The following CNTN4 variants were observed in gnomAD, a reference collection of about 807,000 sequenced individuals.
The protein encoded by CNTN4 is contactin 4, also known as contactin-4.
In CNTN4, 77 loss-of-function variants were observed where a neutral mutation model predicts 122.5. That is an observed-to-expected ratio of 0.63 (90% CI 0.52 to 0.76). The LOEUF is 0.76. CNTN4 is among the 30% of genes least tolerant of loss of function. The pLI is 0.00. For synonymous variants in CNTN4, 512 were observed against 447.0 expected (o/e 1.15, Z -1.83); for missense variants, 1,256 against 1,259.1 (o/e 1.00, Z 0.04).
intron 4 of CNTN4, among the ~76,000 whole-genome samples, chr3:2,720,910 T>C (rs977797174): frequency 2.6e-5 from 4 of 152,140 alleles, no homozygotes; most frequent in African/African-American, 9.7e-5. Context: ...AGAGCTGAGA[T>C]TTTGAACCCA....
intron 13 of CNTN4, among the ~76,000 whole-genome samples, chr3:2,950,949 A>T (rs117905570): frequency 1.3e-5 from 2 of 152,246 alleles, no homozygotes; most frequent in Non-Finnish European, 2.9e-5. Flanking sequence ...TTGACACATA[A>T]TGGACATTAA....
At chr3:2,455,480 T>C (rs1160467491) in intron 3 of CNTN4, among the ~76,000 whole-genome samples, 1 of 151,750 alleles carries the variant, frequency 6.6e-6, no homozygotes. Flanking sequence ...GTCTTTTTTC[T>C]TTTTTTTAAG....
Position 2,925,793 on chromosome 3 carries a change from T to G in CNTN4, c.1358+14T>G. On this transcript the variant is annotated intron_variant, in intron 13 of 24. Coordinates refer to ENST00000418658, the MANE Select transcript of CNTN4 (RefSeq NM_175607.3). ...AGAAAATGAAAGGTACTGTCTTGAA[T>G]TATTTTCAATATTTGGTTAACCTGT... 2 of 1,602,484 alleles carry G rather than the reference T, an allele frequency of 1.2e-6. No individual in the cohort carries two copies. Among genetic ancestry groups the G allele is most frequent in the Non-Finnish European group, 1.7e-6 (2 of 1,169,936 alleles).
intron 2 of CNTN4, among the ~76,000 whole-genome samples, chr3:2,284,722 A>G (rs1378203547): frequency 1.3e-5 from 2 of 152,052 alleles, no homozygotes; most frequent in Admixed American, 1.3e-4. Context: ...GTTCCTTCTT[A>G]AAGGTAATAT....
chr3:2,837,620 G>C (rs2093257351), intron 7 of CNTN4, among the ~76,000 whole-genome samples: 1 of 152,166 alleles, frequency 6.6e-6, no homozygotes, highest in Non-Finnish European at 1.5e-5. Context: ...TAAGAAAATT[G>C]CTTGAGGGGG....
chr3:2,259,236 G>A (rs575834080), intron 2 of CNTN4, among the ~76,000 whole-genome samples: 1 of 152,196 alleles, frequency 6.6e-6, no homozygotes, highest in African/African-American at 2.4e-5. Context: ...TAAGGAATCT[G>A]CTAACCAATC....
At chr3:2,664,379 G>A (rs2084046919) in intron 4 of CNTN4, among the ~76,000 whole-genome samples, 1 of 151,876 alleles carries the variant, frequency 6.6e-6, no homozygotes, top group South Asian at 2.1e-4. Context: ...TTTGCAGATG[G>A]TCACATTCTT....
At chr3:2,471,316 G>A (rs902245571) in intron 3 of CNTN4, among the ~76,000 whole-genome samples, 4 of 152,140 alleles carry the variant, frequency 2.6e-5, no homozygotes, top group Non-Finnish European at 5.9e-5. Flanking sequence ...AAAAATCCTA[G>A]GTGGAAAAGA....
chr3:2,798,653 G>C (rs1182346982), intron 6 of CNTN4, among the ~76,000 whole-genome samples: 5 of 152,008 alleles, frequency 3.3e-5, no homozygotes, highest in Non-Finnish European at 7.4e-5. Context: ...AGGACCATAG[G>C]CACGCAACAA....
At chr3:2,241,684 C>G (rs1049412830) in intron 2 of CNTN4, among the ~76,000 whole-genome samples, 1 of 152,186 alleles carries the variant, frequency 6.6e-6, no homozygotes, top group African/African-American at 2.4e-5. Flanking sequence ...CAAACACATT[C>G]TCTCTGTATC....
intron 4 of CNTN4, among the ~76,000 whole-genome samples, chr3:2,713,263 G>T (rs2087263148): frequency 6.6e-6 from 1 of 152,132 alleles, no homozygotes. Flanking sequence ...CTTGGTGGTG[G>T]GAAGAAACCC....
chr3:2,329,735 A>ATT (rs11442632), intron 2 of CNTN4, among the ~76,000 whole-genome samples: 456 of 151,406 alleles, frequency 3.0e-3, no homozygotes, highest in African/African-American at 6.3e-3. Flanking sequence ...TTATTGAGGC[A>ATT]TTTTTTTTTA....
chr3:2,962,460 G>GA, intron 13 of CNTN4, among the ~76,000 whole-genome samples: 1 of 152,318 alleles, frequency 6.6e-6, no homozygotes, highest in East Asian at 1.9e-4. Flanking sequence ...AAGCAAACAG[G>GA]AATTTTATTG....
chr3:2,659,943 A>G (rs1343464714), intron 4 of CNTN4, among the ~76,000 whole-genome samples: 1 of 152,154 alleles, frequency 6.6e-6, no homozygotes, highest in African/African-American at 2.4e-5. Context: ...GAACAGCTTC[A>G]TTTTCTCACT....
At chr3:2,442,096 A>G (rs559174126) in intron 3 of CNTN4, among the ~76,000 whole-genome samples, 1 of 152,202 alleles carries the variant, frequency 6.6e-6, no homozygotes, top group Non-Finnish European at 1.5e-5. Context: ...ATTTATAATG[A>G]AAATATGTGT....
intron 8 of CNTN4, 43 bp from the exon 9 acceptor site, chr3:2,883,102 T>C: frequency 7.1e-7 from 1 of 1,399,074 alleles, no homozygotes; most frequent in Non-Finnish European, 1.0e-6. Context: ...TTTTATACAT[T>C]TTAAAAGAAT....
chr3:2,135,349 G>A (rs892762146), intron 2 of CNTN4, among the ~76,000 whole-genome samples: 3 of 152,160 alleles, frequency 2.0e-5, no homozygotes, highest in Non-Finnish European at 2.9e-5. Context: ...TAAAATACGA[G>A]TACTATCTGA....
At chr3:2,503,360 C>G (rs2076646812) in intron 3 of CNTN4, among the ~76,000 whole-genome samples, 1 of 152,118 alleles carries the variant, frequency 6.6e-6, no homozygotes, top group Non-Finnish European at 1.5e-5. Context: ...CTCACTGTAT[C>G]AGTCTTTCAA....
rs2093908759 is a variant in CNTN4 at position 2,881,449 on chromosome 3, G to C, written c.653-1696G>C. Among the ~76,000 whole-genome samples, 10 of 151,402 alleles carry C rather than the reference G, an allele frequency of 6.6e-5. No individual in the cohort carries two copies. In the South Asian group the frequency reaches 2.1e-3, roughly 32 times the overall value. ...AATTGCTTGAACCCGGGAGGCGGAGGTTGCAGTGAGCCAAAATTGTACCAC... is the reference window on the plus strand; with the variant it reads ...AATTGCTTGAACCCGGGAGGCGGAGCTTGCAGTGAGCCAAAATTGTACCAC... On this transcript the variant is annotated intron_variant, in intron 8 of 24. Coordinates refer to ENST00000418658, the MANE Select transcript of CNTN4 (RefSeq NM_175607.3).
Sources: allele counts gnomAD v4.1 joint callset (sites outside exome capture counted in the v4.1 genomes callset), GRCh38; gene constraint gnomAD v4.1.1; transcripts MANE v1.5; gene names NCBI Gene and HGNC (gene_info 2026-07-23, HGNC 2026-07-21).